Variants in NRCAM observed in about 807,000 individuals in gnomAD.
NRCAM encodes NgCAM-related cell adhesion molecule.
NRCAM carries 83 observed loss-of-function variants against 156.5 expected under a neutral mutation model. The ratio of observed to expected loss-of-function variants is 0.53; its 90% CI spans 0.44 to 0.64. NRCAM has a LOEUF of 0.64. Among genes scored for constraint, NRCAM ranks in the 30% least tolerant of loss-of-function variants. NRCAM has a pLI of 0.00. For synonymous variants in NRCAM, 538 were observed against 563.9 expected (o/e 0.95, Z 0.65); for missense variants, 1,417 against 1,597.3 (o/e 0.89, Z 1.92).
intron 28 of NRCAM, among the ~76,000 whole-genome samples, chr7:108,171,256 C>A (rs1426319831): frequency 7.1e-6 from 1 of 140,672 alleles, no homozygotes; most frequent in Non-Finnish European, 1.6e-5. Context: ...TAGTTACCTA[C>A]ATTTTAGCTG....
intron 11 of NRCAM, among the ~76,000 whole-genome samples, chr7:108,218,194 C>T (rs933120888): frequency 4.6e-5 from 7 of 150,614 alleles, no homozygotes; most frequent in Non-Finnish European, 8.8e-5. Context: ...GGGAGTTCCC[C>T]GACCCCTTGC....
intron 3 of NRCAM, among the ~76,000 whole-genome samples, chr7:108,299,113 A>AGAAAAGAAAAGAAAAGAAAAG (rs1365521824): frequency 1.1e-5 from 1 of 90,478 alleles, no homozygotes; most frequent in African/African-American, 4.4e-5. Flanking sequence ...CTCAAAAAAA[A>AGAAAAGAAAAGAAAAGAAAAG]AAAAGAAAGA....
At chr7:108,430,752 C>T (rs1268246001) in intron 1 of NRCAM, among the ~76,000 whole-genome samples, 1 of 152,170 alleles carries the variant, frequency 6.6e-6, no homozygotes, top group African/African-American at 2.4e-5. Context: ...TCCTTTCAGT[C>T]TGGCAAACTT....
intron 13 of NRCAM, chr7:108,207,306 G>T: frequency 2.6e-6 from 1 of 380,338 alleles, no homozygotes; most frequent in Non-Finnish European, 4.7e-6. Context: ...ATATTGCCAA[G>T]TACCAGTCAT....
chr7:108,256,731 G>A (rs527823630), intron 3 of NRCAM, among the ~76,000 whole-genome samples: 2 of 152,256 alleles, frequency 1.3e-5, no homozygotes, highest in South Asian at 4.1e-4. Context: ...AAATGCAAAA[G>A]TATAGCCAGC....
chr7:108,389,151 G>A (rs965642629), intron 2 of NRCAM, among the ~76,000 whole-genome samples: 1 of 152,270 alleles, frequency 6.6e-6, no homozygotes, highest in East Asian at 1.9e-4. Context: ...ACCTTGGGCA[G>A]TATGGCCATT....
chr7:108,378,674 C>CACACAA (rs2099687009), intron 2 of NRCAM, among the ~76,000 whole-genome samples: 1 of 135,852 alleles, frequency 7.4e-6, no homozygotes, highest in Non-Finnish European at 1.6e-5. Flanking sequence ...CACACACACA[C>CACACAA]ACACACACAC....
chr7:108,380,547 T>G (rs1459223350), intron 2 of NRCAM, among the ~76,000 whole-genome samples: 1 of 152,206 alleles, frequency 6.6e-6, no homozygotes, highest in Non-Finnish European at 1.5e-5. Context: ...TTAAAAATGG[T>G]AAGCATACTT....
At chr7:108,431,203 T>A (rs140406706) in intron 1 of NRCAM, among the ~76,000 whole-genome samples, 55 of 152,248 alleles carry the variant, frequency 3.6e-4, no homozygotes, top group Non-Finnish European at 6.5e-4. Context: ...TTGCCCAAGG[T>A]CATGTTATTT....
At chr7:108,357,418 C>T (rs2099512694) in intron 2 of NRCAM, among the ~76,000 whole-genome samples, 1 of 151,444 alleles carries the variant, frequency 6.6e-6, no homozygotes. Context: ...ACTGGAACCT[C>T]CACCTCCCGG....
At chr7:108,193,005 C>G (rs760516483) in intron 17 of NRCAM, among the ~76,000 whole-genome samples, 1 of 152,148 alleles carries the variant, frequency 6.6e-6, no homozygotes, top group Non-Finnish European at 1.5e-5. Flanking sequence ...CCACCTTAAC[C>G]TGATGGTCAT....
chr7:108,399,898 GA>G (rs150654121), intron 1 of NRCAM, among the ~76,000 whole-genome samples: 1,813 of 151,778 alleles, frequency 0.012, 16 homozygotes, highest in Non-Finnish European at 0.02. Context: ...AAATCAAAAA[GA>G]AAAAAAAGGC....
chr7:108,228,246 C>G (rs1245351862), intron 8 of NRCAM, among the ~76,000 whole-genome samples: 1 of 151,710 alleles, frequency 6.6e-6, no homozygotes, highest in Non-Finnish European at 1.5e-5. Context: ...CACCTGAACC[C>G]GGGAGGCAGA....
At chr7:108,419,982 T>G (rs1361785293) in intron 1 of NRCAM, among the ~76,000 whole-genome samples, 1 of 152,148 alleles carries the variant, frequency 6.6e-6, no homozygotes, top group East Asian at 1.9e-4. Context: ...CTTCTAGTTA[T>G]TTGGTAGCAA....
At chr7:108,290,359 C>T (rs2098249412) in intron 3 of NRCAM, among the ~76,000 whole-genome samples, 1 of 152,106 alleles carries the variant, frequency 6.6e-6, no homozygotes, top group Non-Finnish European at 1.5e-5. Flanking sequence ...CACTGCTGAC[C>T]ACCAGACTTC....
chr7:108,211,673 G>C (rs577550986), intron 11 of NRCAM, among the ~76,000 whole-genome samples: 1 of 152,240 alleles, frequency 6.6e-6, no homozygotes, highest in South Asian at 2.1e-4. Context: ...TGACTCAGCA[G>C]AGGCAGCCTT....
At chr7:108,385,373 T>C (rs976723272) in intron 2 of NRCAM, among the ~76,000 whole-genome samples, 3 of 152,130 alleles carry the variant, frequency 2.0e-5, no homozygotes, top group Admixed American at 6.6e-5. Context: ...AAACACCCAA[T>C]CACATGAGAG....
chr7:108,202,296 GAAT>G (rs1421685135), intron 13 of NRCAM, among the ~76,000 whole-genome samples: 5 of 151,990 alleles, frequency 3.3e-5, no homozygotes, highest in Admixed American at 2.0e-4. Flanking sequence ...TAGATAATGA[GAAT>G]AATAATAATA....
chr7:108,275,178 C>T (rs1378490577), intron 3 of NRCAM, among the ~76,000 whole-genome samples: 4 of 152,116 alleles, frequency 2.6e-5, no homozygotes, highest in Admixed American at 6.6e-5. Context: ...ATATTCATCA[C>T]AGATATTGGC....
Sources: gnomAD v4.1 joint callset for allele counts (sites outside exome capture counted in the v4.1 genomes callset) on GRCh38, gnomAD v4.1.1 for gene constraint, MANE v1.5 for transcripts, NCBI Gene and HGNC (gene_info 2026-07-23, HGNC 2026-07-21) for gene names.